The following AIFM2 variants were observed in gnomAD, a reference collection of about 807,000 sequenced individuals.
AIFM2 encodes the protein ferroptosis suppressor protein 1.
Under a neutral mutation model 35.7 loss-of-function variants are expected in AIFM2, and 38 were observed. The ratio of observed to expected loss-of-function variants is 1.06; its 90% confidence interval spans 0.82 to 1.39. AIFM2 has a LOEUF of 1.39. Ranked by LOEUF, AIFM2 falls within the 40% of genes most tolerant of loss-of-function variation. AIFM2 has a pLI of 0.00. For missense variants in AIFM2, 476 were observed against 491.2 expected (o/e 0.97, Z 0.29); for synonymous variants, 185 against 203.5 (o/e 0.91, Z 0.77).
intron 1 of AIFM2, among the ~76,000 whole-genome samples, chr10:70,129,952 TGCAG>T (rs908025994): frequency 6.6e-6 from 1 of 151,368 alleles, no homozygotes; most frequent in African/African-American, 2.4e-5. Context: ...GGGAGGCCAA[TGCAG>T]GCAGATTGCT....
intron 8 of AIFM2, chr10:70,114,662 C>A: frequency 1.9e-6 from 1 of 519,850 alleles, no homozygotes; most frequent in Non-Finnish European, 3.4e-6. Context: ...TTAGTAGAGA[C>A]GGGGTTTCTC....
rs2072419770 is a variant in AIFM2 at position 70,115,003 on chromosome 10, T to A, written c.887A>T (p.Tyr296Phe). The A allele has an allele frequency of 1.2e-6, 2 of 1,614,210 alleles. No individual in the cohort carries two copies. Among genetic ancestry groups the A allele is most frequent in the East Asian group, 4.5e-5 (2 of 44,878 alleles). The change falls in exon 8 of 9, where the codon TAT (tyrosine) becomes TTT (phenylalanine). Residue 296 changes from tyrosine (Y) to phenylalanine (F), a missense_variant. Physicochemically the swap from Tyr to Phe is conservative, Grantham distance 22 (BLOSUM62 3). Transcript: ENST00000307864. ...CADVRTPKMAYLAGLHANIAV... is the reference protein window; with the variant it reads ...CADVRTPKMAFLAGLHANIAV... ...GATGTTGGCGTGGAGGCCGGCAAGA[T>A]AGGCCATCTTGGGCGTCCTCACGTC...
rs376591608 is a variant in AIFM2 at position 70,114,152 on chromosome 10, G to A, written c.*26C>T. The stretch of plus-strand genomic sequence containing the variant: ...AGCAGTCCGTACGCCCACCTGCTGC[G>A]GTAGTTCTCCCGCCTGGCCTCTCCA... On this transcript the variant is annotated 3_prime_UTR_variant, in exon 9 of 9. Transcript: ENST00000307864. 6.2e-6 allele frequency: 10 copies of A among 1,600,822 alleles called. No homozygotes were observed. The highest frequency in any genetic ancestry group is 2.7e-5 in the African/African-American group (2 of 74,402).
At chr10:70,116,468 A>T (rs1440462244) in intron 7 of AIFM2, among the ~76,000 whole-genome samples, 154 bp downstream of exon 7, 1 of 152,210 alleles carries the variant, frequency 6.6e-6, no homozygotes, top group African/African-American at 2.4e-5. Flanking sequence ...GAGCTCAGCA[A>T]GGGTGGACCC....
intron 7 of AIFM2, 52 bp downstream of exon 7, chr10:70,116,570 G>A (rs2072438075): frequency 3.1e-6 from 5 of 1,605,878 alleles, no homozygotes; most frequent in Non-Finnish European, 4.3e-6. Context: ...GCATTCAGAG[G>A]GTACTGGAGA....
chr10:70,119,944 C>T (rs973000110), intron 5 of AIFM2, among the ~76,000 whole-genome samples: 1 of 152,226 alleles, frequency 6.6e-6, no homozygotes, highest in Non-Finnish European at 1.5e-5. Context: ...TGTCCCCTCC[C>T]CGTTCCCACC....
chr10:70,132,146 C>A (rs2072633155), intron 1 of AIFM2, among the ~76,000 whole-genome samples: 1 of 152,162 alleles, frequency 6.6e-6, no homozygotes, highest in Admixed American at 6.5e-5. Flanking sequence ...GGACTGCACG[C>A]GTCCCATCAG....
At chr10:70,121,067 C>T (rs1450495405) in intron 4 of AIFM2, 25 bp downstream of exon 4, 13 of 1,605,042 alleles carry the variant, frequency 8.1e-6, no homozygotes, top group Non-Finnish European at 1.1e-5. Flanking sequence ...CCCACACTGC[C>T]CCATGCCTTC....
At chr10:70,123,660 G>T (rs148896363) in intron 2 of AIFM2, 140 bp from the exon 3 acceptor site, 37 of 818,272 alleles carry the variant, frequency 4.5e-5, no homozygotes, top group Non-Finnish European at 6.3e-5. Context: ...TATGCCTGGG[G>T]TACCCCTACT....
At chr10:70,127,571 A>G (rs568043445) in intron 1 of AIFM2, among the ~76,000 whole-genome samples, 1 of 152,316 alleles carries the variant, frequency 6.6e-6, no homozygotes, top group East Asian at 1.9e-4. Context: ...TTTGACAATC[A>G]GGTGGACATA....
chr10:70,115,223 G>T, intron 7 of AIFM2, 103 bp from the exon 8 acceptor site: 1 of 1,280,038 alleles, frequency 7.8e-7, no homozygotes. Context: ...AATAGGTGCT[G>T]GTCAGGTCAC....
At chr10:70,121,344 A>G in intron 3 of AIFM2, 133 bp from the exon 4 acceptor site, 1 of 1,350,052 alleles carries the variant, frequency 7.4e-7, no homozygotes, top group Non-Finnish European at 9.6e-7. Flanking sequence ...AGGCCCCTCT[A>G]GGCACCCGAG....
rs1309130038 is a variant in AIFM2 at position 70,112,796 on chromosome 10, A to G, written c.*1382T>C. 1 of 152,262 alleles carries G rather than the reference A, an allele frequency of 6.6e-6. No homozygotes were observed. Among genetic ancestry groups the G allele is most frequent in the Non-Finnish European group, 1.5e-5 (1 of 68,070 alleles). The allele number at this position is 152,262 out of a possible 1,614,324, so 9.4% of individuals were successfully genotyped here. ...CTGGATTGGAAGATCTCTCCCAAATAGAGGAATCATTTATACACTGTAACA... is the reference window on the plus strand; with the variant it reads ...CTGGATTGGAAGATCTCTCCCAAATGGAGGAATCATTTATACACTGTAACA... On this transcript the variant is annotated 3_prime_UTR_variant, in exon 9 of 9. Transcript: ENST00000307864.
Position 70,113,411 on chromosome 10 carries a change from C to CA in AIFM2, c.*766dup, listed in dbSNP as rs1455198108. 2 of 152,230 alleles carry CA rather than the reference C, an allele frequency of 1.3e-5. No individual in the cohort carries two copies. Among genetic ancestry groups the CA allele is most frequent in the Non-Finnish European group, 2.9e-5 (2 of 68,084 alleles). 9.4% of individuals were successfully genotyped at this position (152,230 alleles called of 1,614,324 possible). Reference sequence around the variant, plus strand: ...GCATGGTGGCACGTGCCTGTAGTCCCAGCTACTTGGGAGGCTAAGGCAAGA... The same window carrying CA: ...GCATGGTGGCACGTGCCTGTAGTCCCAAGCTACTTGGGAGGCTAAGGCAAGA... On this transcript the variant is annotated 3_prime_UTR_variant, in exon 9 of 9. Coordinates refer to ENST00000307864, the MANE Select transcript of AIFM2 (RefSeq NM_032797.6).
chr10:70,116,674 C>T lies in AIFM2; in HGVS notation c.717G>A (p.Val239=). The change falls in exon 7 of 9, where the codon GTG becomes GTA. Residue 239 remains valine (V), a synonymous_variant. Transcript: ENST00000307864. ...TGATCTTGATGCCGGTGCAGAGAAT[C>T]ACCAGGTTGGTGGCCACCTCTGTGC... ...DKGTEVATNL[V]ILCTGIKINS... is the part of the protein sequence containing the mutation. 1.2e-6 allele frequency: 2 copies of T among 1,614,184 alleles called. No homozygotes were observed. The highest frequency in any genetic ancestry group is 1.7e-6 in the Non-Finnish European group (2 of 1,180,036).
chr10:70,113,957 C>T lies in AIFM2; in HGVS notation c.*221G>A. The T allele has an allele frequency of 1.7e-6, 1 of 575,962 alleles. No individual in the cohort carries two copies. The highest frequency in any genetic ancestry group is 2.9e-6 in the Non-Finnish European group (1 of 342,698). The allele number at this position is 575,962 out of a possible 1,614,324, so 35.7% of individuals were successfully genotyped here. ...GCCGCTCACCCAGTACCACAGCAAG[C>T]ACACCTTCCAAACCCAGAAAGTATC... On this transcript the variant is annotated 3_prime_UTR_variant, in exon 9 of 9. Coordinates refer to ENST00000307864, the MANE Select transcript of AIFM2 (RefSeq NM_032797.6).
In AIFM2 at chr10:70,120,536, C is replaced by T; in HGVS notation, c.478G>A (p.Glu160Lys). The T allele has an allele frequency of 6.2e-7, 1 of 1,614,194 alleles. No individual in the cohort carries two copies. Among genetic ancestry groups the T allele is most frequent in the Non-Finnish European group, 8.5e-7 (1 of 1,180,046 alleles). The change falls in exon 5 of 9, where the codon GAG becomes AAG. Residue 160 changes from glutamate (E) to lysine (K), a missense_variant. By Grantham distance (56) the Glu-to-Lys change is moderately conservative. Coordinates refer to ENST00000307864, the MANE Select transcript of AIFM2 (RefSeq NM_032797.6). ...GGSAGVEMAAEIKTEYPEKEV... is the reference protein window; with the variant it reads ...GGSAGVEMAAKIKTEYPEKEV... ...TTCTCAGGATATTCTGTTTTAATCT[C>T]TGCTGCCATCTCCACTCCAGCCGAG...
rs577718306 is a variant in AIFM2 at position 70,117,116 on chromosome 10, G to A, written c.617-342C>T. Among the ~76,000 whole-genome samples, 21 of 152,318 alleles carry A rather than the reference G, an allele frequency of 1.4e-4. No homozygotes were observed. The South Asian group carries it at 3.3e-3, about 24-fold the overall frequency. On this transcript the variant is annotated intron_variant, in intron 6 of 8. Coordinates refer to ENST00000307864, the MANE Select transcript of AIFM2 (RefSeq NM_032797.6). This position sits in a 1 kb window ranked among gnomAD's most constrained non-coding sequence, Gnocchi z 4.7. ...CCGTGCCATCCTAACTAGGCAGGAC[G>A]AGCGCTCCAAGTGCACCACGACAAA...
In AIFM2 at chr10:70,114,927, G is replaced by A. The variant is rs2271696; in HGVS notation, c.963C>T (p.Tyr321=). The change falls in exon 8 of 9, where the codon TAC becomes TAT. Residue 321 remains tyrosine, a synonymous_variant. Coordinates refer to ENST00000307864, the MANE Select transcript of AIFM2 (RefSeq NM_032797.6). ...ACATGGGGCCTCTCTTACCCGGCTT[G>A]TAGGCCTGGAGAGGCCGCTGCTTCA... ...NSVKQRPLQA[Y]KPGALTFLLS... is the part of the protein sequence containing the mutation. 120,385 of 1,613,606 alleles carry A rather than the reference G, an allele frequency of 0.075. 6,193 individuals carry two copies. Among genetic ancestry groups the A allele is most frequent in the East Asian group, 0.2 (8,772 of 44,858 alleles).
Sources: gnomAD v4.1 joint callset for allele counts (sites outside exome capture counted in the v4.1 genomes callset) on GRCh38, gnomAD v4.1.1 for gene constraint, Gnocchi (gnomAD v3.1) non-coding constraint, MANE v1.5 for transcripts, NCBI Gene and HGNC (gene_info 2026-07-23, HGNC 2026-07-21) for gene names.